The following TRIM2 variants were observed in gnomAD, a reference collection of about 807,000 sequenced individuals.
TRIM2 encodes the protein tripartite motif-containing protein 2.
TRIM2 carries 20 observed loss-of-function variants against 75.2 expected under a neutral mutation model. That is an observed-to-expected ratio of 0.27 (90% confidence interval 0.19 to 0.39). The LOEUF is 0.39. Among genes scored for constraint, TRIM2 ranks in the 10% least tolerant of loss-of-function variants. The probability of loss-of-function intolerance (pLI) is 1.00; values close to 1 mark genes in which losing one functional copy is unlikely to be tolerated. For synonymous variants in TRIM2, 373 were observed against 388.3 expected, an observed-to-expected ratio of 0.96 and a Z score of 0.46; for missense variants, 660 against 990.8, an observed-to-expected ratio of 0.67 and a Z score of 4.48.
At chr4:153,158,442 C>T (rs896027030) in intron 1 of TRIM2, among the ~76,000 whole-genome samples, 1 of 152,050 alleles carries the variant, frequency 6.6e-6, no homozygotes, top group Admixed American at 6.5e-5. Context: ...AAAGTAAATT[C>T]TCCTCCTAAG....
intron 1 of TRIM2, among the ~76,000 whole-genome samples, chr4:153,177,768 T>G (rs937362352): frequency 4.6e-5 from 7 of 150,724 alleles, no homozygotes; most frequent in Admixed American, 1.3e-4. Flanking sequence ...CCTCCCATCC[T>G]CCCTCCTTCC....
At chr4:153,325,868 A>G (rs976625328) in intron 10 of TRIM2, among the ~76,000 whole-genome samples, 1 of 152,238 alleles carries the variant, frequency 6.6e-6, no homozygotes, top group Non-Finnish European at 1.5e-5. Flanking sequence ...GACGGCTCCT[A>G]TTTACCAGTC....
chr4:153,161,681 A>C (rs1729754938), intron 1 of TRIM2, among the ~76,000 whole-genome samples: 1 of 152,208 alleles, frequency 6.6e-6, no homozygotes, highest in Non-Finnish European at 1.5e-5. Flanking sequence ...TTTTCTTTGT[A>C]TCCTTTGGTT....
chr4:153,186,562 C>T (rs749361874), intron 1 of TRIM2, among the ~76,000 whole-genome samples: 8 of 152,266 alleles, frequency 5.3e-5, no homozygotes, highest in Non-Finnish European at 7.3e-5. Context: ...TTTTTGTTGG[C>T]GCTCAAGGGA....
rs574496029 is a variant in TRIM2, at chr4:153,168,444, C to T, written c.-49+15174C>T. ...ATGTTATATGAATTTTTGCAAAGAG[C>T]ATTTATTGCTTTGGAACTAGAGAAA... On this transcript the variant is annotated intron_variant, in intron 1 of 11. Transcript: ENST00000437508. Among the ~76,000 whole-genome samples, 361 of 151,966 alleles carry T rather than the reference C, an allele frequency of 2.4e-3. 4 individuals carry two copies. The highest frequency in any genetic ancestry group is 4.6e-3 in the Non-Finnish European group (315 of 67,982).
chr4:153,261,678 C>T (rs1247944451), intron 1 of TRIM2, among the ~76,000 whole-genome samples: 1 of 152,226 alleles, frequency 6.6e-6, no homozygotes. Flanking sequence ...GCTCCCTCCC[C>T]TTCTCCAGAA....
chr4:153,173,703 C>T (rs1194884806), intron 1 of TRIM2, among the ~76,000 whole-genome samples: 1 of 151,760 alleles, frequency 6.6e-6, no homozygotes. Flanking sequence ...CGTGGTGGCT[C>T]ACACCTGCAA....
intron 1 of TRIM2, among the ~76,000 whole-genome samples, chr4:153,170,162 T>C (rs1730701423): frequency 6.6e-6 from 1 of 151,380 alleles, no homozygotes; most frequent in African/African-American, 2.4e-5. Flanking sequence ...AAAAGGGAGG[T>C]GGAGGAGAAG....
At chr4:153,245,638 TATA>T (rs1404117742) in intron 1 of TRIM2, among the ~76,000 whole-genome samples, 1 of 152,262 alleles carries the variant, frequency 6.6e-6, no homozygotes, top group Non-Finnish European at 1.5e-5. Flanking sequence ...TGAACACAGT[TATA>T]ATCATTCCTT....
At chr4:153,159,584 G>A (rs954612160) in intron 1 of TRIM2, among the ~76,000 whole-genome samples, 2 of 152,074 alleles carry the variant, frequency 1.3e-5, no homozygotes, top group African/African-American at 2.4e-5. Flanking sequence ...AGGATTACAG[G>A]CATGAGCCAC....
chr4:153,216,178 A>G (rs529835857), intron 1 of TRIM2, among the ~76,000 whole-genome samples: 34 of 152,156 alleles, frequency 2.2e-4, no homozygotes, highest in Non-Finnish European at 4.4e-5. Flanking sequence ...CTGTAATGTG[A>G]CCTGGAGCCT....
intron 1 of TRIM2, among the ~76,000 whole-genome samples, chr4:153,221,808 A>AGGG (rs1553966383): frequency 1.0e-5 from 1 of 100,074 alleles, no homozygotes; most frequent in African/African-American, 4.2e-5. Flanking sequence ...GCGAGGAAGG[A>AGGG]AGGGAGGGAG....
At chr4:153,190,577 A>G (rs1733081247) in intron 1 of TRIM2, among the ~76,000 whole-genome samples, 1 of 152,172 alleles carries the variant, frequency 6.6e-6, no homozygotes, top group Admixed American at 6.5e-5. Context: ...ATCTACTGTT[A>G]ACCATCTTTT....
At position 153,295,648 on chromosome 4, in the gene TRIM2, C is replaced by T; in HGVS notation, c.1122C>T (p.Thr374=). Residue 374 remains threonine (T), a synonymous_variant, in exon 6 of 12, where the codon ACC becomes ACT. Transcript: ENST00000338700. The surrounding 1 kb of genome is among the most constrained non-coding windows in gnomAD (Gnocchi z 7.2). ...QTIIGQPMSV[T]ITTKDKDGEL... ...TCATCGGGCAGCCCATGTCCGTCAC[C>T]ATCACCACCAAGGACAAAGACGGTG... The T allele has an allele frequency of 6.2e-7, 1 of 1,614,018 alleles. No individual in the cohort carries two copies. The highest frequency in any genetic ancestry group is 8.5e-7 in the Non-Finnish European group (1 of 1,180,004).
chr4:153,288,878 G>A (rs1213386484), intron 3 of TRIM2, among the ~76,000 whole-genome samples: 1 of 151,174 alleles, frequency 6.6e-6, no homozygotes, highest in Non-Finnish European at 1.5e-5. Flanking sequence ...CTTTTCTAGT[G>A]AATTTTTCAT....
chr4:153,229,372 T>G (rs563550749), intron 1 of TRIM2, among the ~76,000 whole-genome samples: 3 of 152,324 alleles, frequency 2.0e-5, no homozygotes, highest in Admixed American at 2.0e-4. Flanking sequence ...TAAACAATTA[T>G]CCTGCCTCAG....
At chr4:153,332,376 G>C (rs1771653586) in intron 11 of TRIM2, among the ~76,000 whole-genome samples, 1 of 152,186 alleles carries the variant, frequency 6.6e-6, no homozygotes, top group Admixed American at 6.5e-5. Flanking sequence ...TGGGTGCTGT[G>C]GCTCACATCT....
At chr4:153,177,707 C>CTTCTTCCT (rs555687002) in intron 1 of TRIM2, among the ~76,000 whole-genome samples, 4 of 133,886 alleles carry the variant, frequency 3.0e-5, no homozygotes, top group Non-Finnish European at 4.8e-5. Flanking sequence ...TGGTGGCTCG[C>CTTCTTCCT]TCCTTCCTTC....
intron 1 of TRIM2, among the ~76,000 whole-genome samples, chr4:153,259,156 A>G (rs547281917): frequency 2.6e-5 from 4 of 152,236 alleles, no homozygotes; most frequent in Non-Finnish European, 5.9e-5. Context: ...AATGCAGCAT[A>G]TATAACCCAC....
Sources: gnomAD v4.1 joint callset for allele counts (sites outside exome capture counted in the v4.1 genomes callset) on GRCh38, gnomAD v4.1.1 for gene constraint, Gnocchi (gnomAD v3.1) non-coding constraint, MANE v1.5 for transcripts, NCBI Gene and HGNC (gene_info 2026-07-23, HGNC 2026-07-21) for gene names.